The following RNF212B variants were observed in gnomAD, a reference collection of about 807,000 sequenced individuals.
RNF212B encodes E3 ubiquitin-protein ligase RNF212B.
Under a neutral mutation model 55.5 loss-of-function variants are expected in RNF212B, and 52 were observed. That is an observed-to-expected ratio of 0.94 (90% CI 0.75 to 1.18). The LOEUF is 1.18. Among genes scored for constraint, RNF212B ranks in the 50% most tolerant of loss-of-function variants. RNF212B has a pLI of 0.00. For synonymous variants in RNF212B, 99 were observed against 121.4 expected, an observed-to-expected ratio of 0.82 and a Z score of 1.21; for missense variants, 289 against 350.4, an observed-to-expected ratio of 0.82 and a Z score of 1.40.
At chr14:23,242,511 A>C (rs1448256571) in intron 2 of RNF212B, among the ~76,000 whole-genome samples, 1 of 152,238 alleles carries the variant, frequency 6.6e-6, no homozygotes, top group Non-Finnish European at 1.5e-5. Context: ...TACAGTGCCC[A>C]ATGTGTGCCT....
intron 2 of RNF212B, chr14:23,230,036 A>C (rs1279010416): frequency 9.5e-6 from 2 of 211,134 alleles, no homozygotes; most frequent in Non-Finnish European, 2.0e-5. Context: ...TTTTCATCCA[A>C]ATCCACTGAG....
intron 2 of RNF212B, among the ~76,000 whole-genome samples, chr14:23,242,582 C>T (rs1381533951): frequency 6.6e-6 from 1 of 152,172 alleles, no homozygotes; most frequent in African/African-American, 2.4e-5. Context: ...GTATCTTGTA[C>T]TCTTCCTCAC....
intron 2 of RNF212B, among the ~76,000 whole-genome samples, chr14:23,221,298 A>C (rs1177011580): frequency 6.6e-6 from 1 of 152,198 alleles, no homozygotes; most frequent in African/African-American, 2.4e-5. Flanking sequence ...AAGGGATGTA[A>C]AAAGATGTGC....
chr14:23,193,349 C>T (rs962844206), exon 2 of RNF212B: 1 of 151,946 alleles, frequency 6.6e-6, no homozygotes, highest in African/African-American at 2.4e-5. Context: ...ATGTGCACCA[C>T]CAAAATAAGG....
At chr14:23,225,308 T>C (rs969449571) in intron 2 of RNF212B, among the ~76,000 whole-genome samples, 3 of 152,196 alleles carry the variant, frequency 2.0e-5, no homozygotes, top group Non-Finnish European at 2.9e-5. Context: ...CTACTGGGTA[T>C]ATACCCAAAA....
chr14:23,214,189 T>C (rs1048656802), intron 2 of RNF212B, among the ~76,000 whole-genome samples: 2 of 152,094 alleles, frequency 1.3e-5, no homozygotes, highest in Non-Finnish European at 2.9e-5. Context: ...AGCAAAGAAA[T>C]AGAAGATACA....
intron 5 of RNF212B, 29 bp downstream of exon 5, chr14:23,258,693 C>CT (rs10547691): frequency 0.015 from 8,581 of 588,942 alleles, 3 homozygotes; most frequent in South Asian, 0.03. Context: ...CCCAAGAGAG[C>CT]TTTTTTTTTT....
At chr14:23,206,942 A>G (rs1309290461) in intron 2 of RNF212B, among the ~76,000 whole-genome samples, 2 of 148,244 alleles carry the variant, frequency 1.3e-5, no homozygotes, top group Non-Finnish European at 1.5e-5. Context: ...CTTAGAAGAG[A>G]AAAACAACAA....
intron 2 of RNF212B, among the ~76,000 whole-genome samples, chr14:23,193,744 G>T (rs1191398249): frequency 1.5e-5 from 1 of 66,972 alleles, no homozygotes; most frequent in Non-Finnish European, 3.2e-5. Flanking sequence ...ACCAGTAGAA[G>T]ATTTAACAAA....
chr14:23,266,769 A>G (rs1018845912), intron 11 of RNF212B, among the ~76,000 whole-genome samples: 5 of 152,170 alleles, frequency 3.3e-5, no homozygotes, highest in African/African-American at 1.2e-4. Context: ...AGAATGCTCC[A>G]TGTGTATGTG....
At chr14:23,235,115 G>A (rs1883007817), upstream of RNF212B, among the ~76,000 whole-genome samples, 1 of 152,118 alleles carries the variant, frequency 6.6e-6, no homozygotes. Context: ...GGGAAGCTGA[G>A]GCAGGAGAAT....
At chr14:23,188,985 G>A (rs1877862667) in intron 1 of RNF212B, among the ~76,000 whole-genome samples, 1 of 152,212 alleles carries the variant, frequency 6.6e-6, no homozygotes, top group Non-Finnish European at 1.5e-5. Context: ...GTAGCAAGAT[G>A]TAGCTGTTGG....
At chr14:23,215,815 A>G (rs930008771) in intron 2 of RNF212B, among the ~76,000 whole-genome samples, 2 of 152,238 alleles carry the variant, frequency 1.3e-5, no homozygotes, top group Admixed American at 6.5e-5. Flanking sequence ...GAGTAAAAAC[A>G]TGGGTAAATG....
chr14:23,209,064 C>T (rs1331845784), intron 2 of RNF212B, among the ~76,000 whole-genome samples: 2 of 152,132 alleles, frequency 1.3e-5, no homozygotes, highest in African/African-American at 4.8e-5. Context: ...GGCCTGGTTG[C>T]CCATGTTTAT....
intron 4 of RNF212B, among the ~76,000 whole-genome samples, chr14:23,255,699 TA>T (rs933818974): frequency 1.3e-5 from 2 of 152,188 alleles, no homozygotes; most frequent in African/African-American, 4.8e-5. Flanking sequence ...ATATCATTTC[TA>T]AAAAAATTTT....
chr14:23,268,501 G>C (rs1439685985), intron 11 of RNF212B, among the ~76,000 whole-genome samples: 1 of 152,260 alleles, frequency 6.6e-6, no homozygotes, highest in East Asian at 1.9e-4. Context: ...AGTTGATTCT[G>C]ACCATTATGC....
chr14:23,195,961 C>G (rs147103589), intron 2 of RNF212B, among the ~76,000 whole-genome samples: 66 of 152,308 alleles, frequency 4.3e-4, no homozygotes, highest in African/African-American at 1.5e-3. Context: ...TGCATTTGCT[C>G]TTTTCACTGT....
chr14:23,237,013 G>A (rs565211997), upstream of RNF212B, among the ~76,000 whole-genome samples: 25 of 148,432 alleles, frequency 1.7e-4, no homozygotes, highest in Admixed American at 5.4e-4. Context: ...AACCAGGTTG[G>A]AGTGCAGTGG....
intron 2 of RNF212B, among the ~76,000 whole-genome samples, chr14:23,197,633 A>G (rs1215015154): frequency 2.0e-5 from 3 of 152,068 alleles, no homozygotes; most frequent in South Asian, 2.1e-4. Context: ...AAAATATTGT[A>G]TAATAAAGAA....
Sources: allele counts gnomAD v4.1 joint callset (sites outside exome capture counted in the v4.1 genomes callset), GRCh38; gene constraint gnomAD v4.1.1; transcripts MANE v1.5; gene names NCBI Gene and HGNC (gene_info 2026-07-23, HGNC 2026-07-21).